SYTL3: variants seen among roughly 807,000 people sequenced by gnomAD.
SYTL3 encodes the protein synaptotagmin like 3, also known as synaptotagmin-like protein 3.
SYTL3 carries 88 observed loss-of-function variants against 82.1 expected under a neutral mutation model. The observed-to-expected ratio is 1.07, with a 90% CI of 0.90 to 1.28. The LOEUF is 1.28. Ranked by LOEUF, SYTL3 falls within the 50% of genes most tolerant of loss-of-function variation. SYTL3 has a pLI of 0.00. For missense variants in SYTL3, 831 were observed against 757.6 expected (o/e 1.10, Z -1.14); for synonymous variants, 311 against 289.4 (o/e 1.07, Z -0.76).
intron 6 of SYTL3, among the ~76,000 whole-genome samples, chr6:158,687,746 A>ACGGGTTCCCACTGACCCAAT (rs1554249431): frequency 2.0e-5 from 3 of 152,006 alleles, no homozygotes; most frequent in African/African-American, 7.3e-5. Flanking sequence ...GCAGCTCCTA[A>ACGGGTTCCCACTGACCCAAT]CTGCTTCCCC....
chr6:158,718,925 A>T (rs1226351206), intron 10 of SYTL3, among the ~76,000 whole-genome samples: 1 of 152,048 alleles, frequency 6.6e-6, no homozygotes, highest in Non-Finnish European at 1.5e-5. Context: ...TGTGGACTCC[A>T]CTCAGGCTGT....
chr6:158,763,144 G>A (rs1269687527), intron 16 of SYTL3, among the ~76,000 whole-genome samples, 160 bp from the exon 17 acceptor site: 1 of 152,238 alleles, frequency 6.6e-6, no homozygotes, highest in Non-Finnish European at 1.5e-5. Flanking sequence ...TAAGGGAAAT[G>A]TGCCGAGTCC....
At chr6:158,711,203 A>C (rs1029873163) in intron 8 of SYTL3, among the ~76,000 whole-genome samples, 2 of 152,178 alleles carry the variant, frequency 1.3e-5, no homozygotes, top group African/African-American at 4.8e-5. Flanking sequence ...AACTTTTACC[A>C]TTCATTATTA....
chr6:158,654,514 A>G (rs1788437092), intron 2 of SYTL3, among the ~76,000 whole-genome samples: 1 of 152,136 alleles, frequency 6.6e-6, no homozygotes, highest in Non-Finnish European at 1.5e-5. Context: ...GTCCCTCCCA[A>G]TCCCAGAACA....
At chr6:158,734,157 A>G (rs1785830127) in intron 11 of SYTL3, among the ~76,000 whole-genome samples, 1 of 152,098 alleles carries the variant, frequency 6.6e-6, no homozygotes. Flanking sequence ...CCTTGCTAAA[A>G]AAAACCTTTT....
intron 2 of SYTL3, among the ~76,000 whole-genome samples, chr6:158,655,187 G>T (rs1254349304): frequency 1.8e-4 from 28 of 152,192 alleles, no homozygotes; most frequent in Admixed American, 1.8e-3. Flanking sequence ...AAAGATTCCT[G>T]TTAAATTCCA....
intron 6 of SYTL3, among the ~76,000 whole-genome samples, chr6:158,698,111 T>C (rs958730032): frequency 6.6e-6 from 1 of 152,158 alleles, no homozygotes; most frequent in Admixed American, 6.6e-5. Context: ...TTAAAATGGC[T>C]CTGGGCTGGG....
chr6:158,656,720 GTC>G (rs1788722724), intron 2 of SYTL3, among the ~76,000 whole-genome samples: 1 of 151,174 alleles, frequency 6.6e-6, no homozygotes, highest in Non-Finnish European at 1.5e-5. Flanking sequence ...GCGAGACTCT[GTC>G]TCAAAAAAAA....
At chr6:158,691,917 C>T (rs958620436) in intron 6 of SYTL3, among the ~76,000 whole-genome samples, 4 of 148,898 alleles carry the variant, frequency 2.7e-5, no homozygotes, top group African/African-American at 9.9e-5. Flanking sequence ...TCCCAAAGTG[C>T]TGGGATTACA....
chr6:158,729,702 G>A (rs1785171831), intron 11 of SYTL3, among the ~76,000 whole-genome samples: 2 of 151,520 alleles, frequency 1.3e-5, no homozygotes, highest in African/African-American at 2.4e-5. Context: ...GAGTAGCTGG[G>A]ACTACAGGCG....
At chr6:158,646,845 A>C (rs1787507531), upstream of SYTL3, among the ~76,000 whole-genome samples, 1 of 152,070 alleles carries the variant, frequency 6.6e-6, no homozygotes, top group African/African-American at 2.4e-5. Context: ...TGCCCTTCTC[A>C]GTATCACCTG....
intron 11 of SYTL3, among the ~76,000 whole-genome samples, chr6:158,732,687 G>C (rs193047949): frequency 1.3e-5 from 2 of 152,084 alleles, no homozygotes; most frequent in Non-Finnish European, 2.9e-5. Context: ...AAAATTTGGC[G>C]TACCTTAAAG....
rs10640552 is a variant in SYTL3, at chr6:158,720,406, CAAAAAAAA to C, written c.720+2207_720+2214del. On this transcript the variant is annotated intron_variant, in intron 10 of 17. Transcript: ENST00000611299. ...GGGTGACAAGAGTGAAACTTTGTCT[CAAAAAAAA>C]AAAAAAAAAAAGCCTGAGTTTTAGT... Among the ~76,000 whole-genome samples, 167 of 88,186 alleles carry C rather than the reference CAAAAAAAA, an allele frequency of 1.9e-3. 1 individual carries two copies. The highest frequency in any genetic ancestry group is 7.2e-3 in the African/African-American group (159 of 22,134). 57.9% of individuals were successfully genotyped at this position (88,186 alleles called of 152,430 possible). A position where few individuals can be genotyped will look rare whatever the true frequency, so the allele number is the denominator to read the frequency against.
At position 158,718,111 on chromosome 6, in the gene SYTL3, T is replaced by C. The variant is rs183489408; in HGVS notation, c.620T>C (p.Met207Thr). The C allele has an allele frequency of 6.5e-4, 1,011 of 1,544,528 alleles. 2 individuals carry two copies. Among genetic ancestry groups the C allele is most frequent in the Non-Finnish European group, 7.4e-4 (849 of 1,144,240 alleles). ...GAGCTCTCCAAATCCCAGAATGATA[T>C]GACTTCTGAGAAGCATCTTCTCGCC... Reference protein sequence around the residue: ...VKKLSKSQNDMTSEKHLLATG... With the variant: ...VKKLSKSQNDTTSEKHLLATG... Residue 207 changes from methionine (M) to threonine (T), a missense_variant, in exon 10 of 18, where the codon ATG (methionine) becomes ACG (threonine). Coordinates refer to ENST00000611299, the MANE Select transcript of SYTL3 (RefSeq NM_001242394.2).
At chr6:158,660,350 G>A (rs536998493) in intron 2 of SYTL3, among the ~76,000 whole-genome samples, 1 of 152,314 alleles carries the variant, frequency 6.6e-6, no homozygotes, top group African/African-American at 2.4e-5. Context: ...CTGAATGACT[G>A]GATGAATGGA....
chr6:158,757,034 A>G (rs1225424261), intron 13 of SYTL3, among the ~76,000 whole-genome samples, 177 bp from the exon 14 acceptor site: 1 of 136,132 alleles, frequency 7.3e-6, no homozygotes, highest in Non-Finnish European at 1.6e-5. Flanking sequence ...AAGCACCTTG[A>G]CCCACCCTAA....
Position 158,763,393 on chromosome 6 carries a change from T to G in SYTL3, c.1607T>G (p.Val536Gly). The G allele has an allele frequency of 6.2e-7, 1 of 1,614,230 alleles. No homozygotes were observed. Among genetic ancestry groups the G allele is most frequent in the Non-Finnish European group, 8.5e-7 (1 of 1,180,032 alleles). Residue 536 changes from valine to glycine, a missense_variant, in exon 17 of 18, where the codon GTC (valine) becomes GGC (glycine). Val to Gly is a moderately radical substitution (Grantham distance 109). Coordinates refer to ENST00000611299, the MANE Select transcript of SYTL3 (RefSeq NM_001242394.2). The stretch of plus-strand genomic sequence containing the variant: ...TGCCCCCAGTGGAAACACTCATTTG[T>G]CTTCAGTGGCGTAACCCCAGCTCAG... The part of the protein sequence containing the change: ...QACPQWKHSF[V>G]FSGVTPAQLR...
chr6:158,761,939 A>G, intron 15 of SYTL3, 137 bp from the exon 16 acceptor site: 1 of 630,018 alleles, frequency 1.6e-6, no homozygotes, highest in Non-Finnish European at 2.8e-6. Context: ...AGCCCACTGC[A>G]CCACTCCCAT....
chr6:158,762,641 A>G (rs896726157), intron 16 of SYTL3, among the ~76,000 whole-genome samples: 1 of 152,152 alleles, frequency 6.6e-6, no homozygotes, highest in Admixed American at 6.5e-5. Flanking sequence ...CTCAGGCTGG[A>G]CGCAGTGGCT....
Sources: allele counts gnomAD v4.1 joint callset (sites outside exome capture counted in the v4.1 genomes callset), GRCh38; gene constraint gnomAD v4.1.1; transcripts MANE v1.5; gene names NCBI Gene and HGNC (gene_info 2026-07-23, HGNC 2026-07-21).